The following EDDM13 variants were observed in gnomAD, a reference collection of about 807,000 sequenced individuals.
EDDM13 encodes the protein epididymal protein 13.
Under a neutral mutation model 17.8 loss-of-function variants are expected in EDDM13, and 24 were observed. The ratio of observed to expected loss-of-function variants is 1.35; its 90% CI spans 0.98 to 1.90. The LOEUF (loss-of-function observed/expected upper bound fraction) is 1.90. EDDM13 is among the 40% of genes most tolerant of loss of function. The pLI, the probability that EDDM13 is intolerant of heterozygous loss-of-function variation, is 0.00. For synonymous variants in EDDM13, 31 were observed against 37.5 expected, an observed-to-expected ratio of 0.83 and a Z score of 0.63; for missense variants, 97 against 100.8, an observed-to-expected ratio of 0.96 and a Z score of 0.16.
At position 56,290,841 on chromosome 19, in the gene EDDM13, T is replaced by C. The variant is rs2039461949; in HGVS notation, c.227T>C (p.Ile76Thr). ...ATGCTGGTTCTGCTACTTCCTCCAG[T>C]AAAAAGTAAGTTATTTTTCCTTTCC... is the stretch of plus-strand genomic sequence containing the variant. ...VSPQDRTEEE[I>T]KKILGLLSLQ... The change falls in exon 9 of 15, where the codon ATA becomes ACA. Residue 76 changes from isoleucine (I) to threonine (T), a missense_variant and splice_region_variant. Coordinates refer to ENST00000649256, the MANE Select transcript of EDDM13 (RefSeq NM_001354658.2). Among the ~76,000 whole-genome samples, 1 of 152,220 alleles carries C rather than the reference T, an allele frequency of 6.6e-6. No homozygotes were observed. The highest frequency in any genetic ancestry group is 1.9e-4 in the East Asian group (1 of 5,202).
At chr19:56,282,005 A>C (rs1396985684) in intron 3 of EDDM13, among the ~76,000 whole-genome samples, 6 of 152,204 alleles carry the variant, frequency 3.9e-5, no homozygotes, top group Non-Finnish European at 7.3e-5. Context: ...TCAGATTTTC[A>C]GTAGGATCAA....
At chr19:56,286,125 G>A (rs1356668883) in intron 6 of EDDM13, among the ~76,000 whole-genome samples, 4 of 152,060 alleles carry the variant, frequency 2.6e-5, no homozygotes, top group Admixed American at 1.3e-4. Context: ...GGGTTCAAGC[G>A]ATTCTCCTGC....
chr19:56,299,549 A>G (rs1337584493), intron 12 of EDDM13, among the ~76,000 whole-genome samples: 3 of 152,140 alleles, frequency 2.0e-5, no homozygotes, highest in African/African-American at 4.8e-5. Context: ...AAGGTAAAAC[A>G]CAGTTGTCCC....
intron 13 of EDDM13, among the ~76,000 whole-genome samples, chr19:56,304,464 C>G (rs1168882957): frequency 6.6e-6 from 1 of 152,194 alleles, no homozygotes; most frequent in Non-Finnish European, 1.5e-5. Context: ...ACTCAACCTG[C>G]CATACGGCCC....
chr19:56,274,664 T>C (rs1237799847), intron 1 of EDDM13: 1 of 152,132 alleles, frequency 6.6e-6, no homozygotes, highest in Admixed American at 6.5e-5. Flanking sequence ...ATTAAAGAAA[T>C]TACAGACCTC....
chr19:56,289,926 T>A (rs2039403194), intron 8 of EDDM13, among the ~76,000 whole-genome samples: 1 of 152,190 alleles, frequency 6.6e-6, no homozygotes, highest in Middle Eastern at 3.2e-3. Context: ...CACAAATGTT[T>A]CTTGTACCTC....
rs1326213865 is a variant in EDDM13 at position 56,272,795 on chromosome 19, T to C, written c.-40T>C. 9 of 864,218 alleles carry C rather than the reference T, an allele frequency of 1.0e-5. No individual in the cohort carries two copies. Among genetic ancestry groups the C allele is most frequent in the African/African-American group, 3.7e-5 (2 of 54,716 alleles). 53.5% of individuals were successfully genotyped at this position (864,218 alleles called of 1,614,324 possible). On this transcript the variant is annotated 5_prime_UTR_variant, in exon 1 of 15. Coordinates refer to ENST00000649256, the MANE Select transcript of EDDM13 (RefSeq NM_001354658.2). ...GTGGGTGACCAGAGAGTCCTGTCTA[T>C]CCTAGGAGGAGAACATTCAGCCCAA...
intron 2 of EDDM13, among the ~76,000 whole-genome samples, chr19:56,277,854 A>ACAATTCATCCATGTCACCAAAAAC (rs2038381009): frequency 1.3e-5 from 2 of 152,212 alleles, no homozygotes; most frequent in East Asian, 1.9e-4. Context: ...TCACCACTGC[A>ACAATTCATCCATGTCACCAAAAAC]CAATTCATCC....
chr19:56,299,898 G>T (rs909121536), intron 12 of EDDM13: 1 of 152,196 alleles, frequency 6.6e-6, no homozygotes. Context: ...CAGATGAGAC[G>T]TTCTTGCTAT....
intron 4 of EDDM13, 111 bp from the exon 5 acceptor site, chr19:56,284,087 T>G: frequency 2.4e-6 from 2 of 826,254 alleles, no homozygotes; most frequent in Non-Finnish European, 2.9e-6. Flanking sequence ...CTGACCTCGT[T>G]TTTGGTTTTC....
At chr19:56,302,516 TCCTC>T (rs71184347) in intron 13 of EDDM13, among the ~76,000 whole-genome samples, 29,410 of 70,000 alleles carry the variant, frequency 0.42, 4,807 homozygotes, top group Non-Finnish European at 0.47. Flanking sequence ...CTTCTTTCCT[TCCTC>T]CCTCCCTCCC....
chr19:56,301,813 G>A, intron 12 of EDDM13, 155 bp from the exon 13 acceptor site: 1 of 762,382 alleles, frequency 1.3e-6, no homozygotes, highest in Non-Finnish European at 1.8e-6. Flanking sequence ...GAAGGGGGAA[G>A]CTGGCAGTGA....
chr19:56,276,488 T>C (rs2038264975), intron 2 of EDDM13, among the ~76,000 whole-genome samples: 1 of 149,854 alleles, frequency 6.7e-6, no homozygotes, highest in South Asian at 2.1e-4. Context: ...AAAAAAATTA[T>C]TAAGGATCTA....
chr19:56,304,858 T>A, intron 14 of EDDM13, 28 bp downstream of exon 14: 1 of 943,870 alleles, frequency 1.1e-6, no homozygotes. Flanking sequence ...AGTGGGCTTT[T>A]CCCACCGCTG....
chr19:56,293,538 C>T (rs916453651), intron 9 of EDDM13, among the ~76,000 whole-genome samples: 1 of 152,164 alleles, frequency 6.6e-6, no homozygotes, highest in Admixed American at 6.5e-5. Flanking sequence ...CTGTGGGCGC[C>T]GGTCCTGACT....
Position 56,299,380 on chromosome 19 carries a change from G to C in EDDM13, c.295+1849G>C, listed in dbSNP as rs1034918401. ...ATTCCTGGGCCCAAGTGAGCCTCCCGCCTCAGATTCCCAAAGTGCTGGAAT... is the reference window on the plus strand; with the variant it reads ...ATTCCTGGGCCCAAGTGAGCCTCCCCCCTCAGATTCCCAAAGTGCTGGAAT... On this transcript the variant is annotated intron_variant, in intron 12 of 14. Transcript: ENST00000649256. Among the ~76,000 whole-genome samples, 2 of 151,468 alleles carry C rather than the reference G, an allele frequency of 1.3e-5. 1 individual carries two copies. The highest frequency in any genetic ancestry group is 4.9e-5 in the African/African-American group (2 of 41,166).
At chr19:56,291,418 C>T (rs936453586) in intron 9 of EDDM13, among the ~76,000 whole-genome samples, 1 of 152,224 alleles carries the variant, frequency 6.6e-6, no homozygotes, top group Admixed American at 6.5e-5. Context: ...GAGTCACCCA[C>T]CCTGGGCCCC....
chr19:56,281,032 GACTT>G (rs1451075598), intron 2 of EDDM13, among the ~76,000 whole-genome samples: 1 of 152,114 alleles, frequency 6.6e-6, no homozygotes, highest in Non-Finnish European at 1.5e-5. Flanking sequence ...TTGACCAGAA[GACTT>G]ACTAATAACA....
chr19:56,286,840 G>T (rs142722611), intron 6 of EDDM13, among the ~76,000 whole-genome samples: 63 of 152,352 alleles, frequency 4.1e-4, no homozygotes, highest in African/African-American at 1.4e-3. Context: ...TGCTAGAGAT[G>T]CCCGGCAGAG....
Sources: allele counts gnomAD v4.1 joint callset (sites outside exome capture counted in the v4.1 genomes callset), GRCh38; gene constraint gnomAD v4.1.1; transcripts MANE v1.5; gene names NCBI Gene and HGNC (gene_info 2026-07-23, HGNC 2026-07-21).